Variants in DSC2 observed in about 807,000 individuals in gnomAD.
The protein encoded by DSC2 is desmocollin 2.
DSC2 carries 51 observed loss-of-function variants against 87.6 expected under a neutral mutation model. The observed-to-expected ratio is 0.58, with a 90% CI of 0.46 to 0.74. DSC2 has a LOEUF of 0.74. DSC2 is among the 30% of genes least tolerant of loss of function. DSC2 has a pLI of 0.00. For missense variants in DSC2, 1,066 were observed against 1,089.5 expected (o/e 0.98, Z 0.30); for synonymous variants, 383 against 393.2 (o/e 0.97, Z 0.31).
At chr18:31,094,951 C>T (rs1391797882) in intron 1 of DSC2, among the ~76,000 whole-genome samples, 3 of 152,234 alleles carry the variant, frequency 2.0e-5, no homozygotes, top group African/African-American at 7.2e-5. Flanking sequence ...TTACTGGTTG[C>T]TTAGTAGGTG....
chr18:31,071,865 C>T lies in DSC2; in HGVS notation c.1889-24G>A, dbSNP rs899415985. The T allele has an allele frequency of 5.7e-6, 9 of 1,566,818 alleles. No individual in the cohort carries two copies. In the African/African-American group the frequency reaches 1.1e-4, roughly 19 times the overall value. ...ATCTGAAAATATAAATAAATAAAACCAAACATTATACAATGTCACTGATTT... is the reference window on the plus strand; with the variant it reads ...ATCTGAAAATATAAATAAATAAAACTAAACATTATACAATGTCACTGATTT... On this transcript the variant is annotated intron_variant, in intron 12 of 15. Transcript: ENST00000280904.
rs1345644811 is a variant in DSC2 at position 31,082,394 on chromosome 18, A to G, written c.1107T>C (p.Val369=). Residue 369 remains valine (V), a synonymous_variant, in exon 9 of 16, where the codon GTT becomes GTC. Transcript: ENST00000280904. Reference sequence around the variant, plus strand: ...CAGTAACTCGTAAGATTTCCACATCAACTGTATTTTCTTCCACTGATGTCA... The same window carrying G: ...CAGTAACTCGTAAGATTTCCACATCGACTGTATTTTCTTCCACTGATGTCA... ...SYVTSVEENT[V]DVEILRVTVE... 1 of 1,613,708 alleles carries G rather than the reference A, an allele frequency of 6.2e-7. No homozygotes were observed. Among genetic ancestry groups the G allele is most frequent in the Admixed American group, 1.7e-5 (1 of 60,008 alleles).
intron 1 of DSC2, among the ~76,000 whole-genome samples, chr18:31,101,397 G>C (rs1319098402): frequency 6.6e-6 from 1 of 151,812 alleles, no homozygotes; most frequent in Non-Finnish European, 1.5e-5. Flanking sequence ...CCCTTTCCGT[G>C]GCCTGGGCAG....
intron 10 of DSC2, 49 bp downstream of exon 10, chr18:31,080,047 G>GT: frequency 6.2e-7 from 1 of 1,610,324 alleles, no homozygotes; most frequent in African/African-American, 1.3e-5. Flanking sequence ...TTATAATAAC[G>GT]TAACAAAATA....
chr18:31,082,833 C>G, intron 8 of DSC2, 93 bp downstream of exon 8: 1 of 1,432,094 alleles, frequency 7.0e-7, no homozygotes, highest in East Asian at 2.4e-5. Flanking sequence ...GCTGAGATTA[C>G]AGGCGTGAGC....
chr18:31,089,470 G>C lies in DSC2; in HGVS notation c.599C>G (p.Pro200Arg). The change falls in exon 5 of 16, where the codon CCT (proline) becomes CGT (arginine). Residue 200 changes from proline to arginine, a missense_variant. Transcript: ENST00000280904. ...AGATTCATACTGCTCACGATCTACA[G>C]GACGAGTACAATACAAGTTTCCAGT... is the stretch of plus-strand genomic sequence containing the variant. ...RDTGNLYCTR[P>R]VDREQYESFE... The C allele has an allele frequency of 6.2e-7, 1 of 1,613,802 alleles. No individual in the cohort carries two copies. The highest frequency in any genetic ancestry group is 8.5e-7 in the Non-Finnish European group (1 of 1,179,872).
chr18:31,071,697 G>A lies in DSC2; in HGVS notation c.2033C>T (p.Thr678Ile), dbSNP rs794728062. The A allele has an allele frequency of 2.5e-6, 4 of 1,614,078 alleles. No homozygotes were observed. In the South Asian group the frequency reaches 3.3e-5, roughly 13 times the overall value. The change falls in exon 13 of 16, where the codon ACA (threonine) becomes ATA (isoleucine). Residue 678 changes from threonine to isoleucine, a missense_variant. Physicochemically the swap from Thr to Ile is moderately conservative, Grantham distance 89. Coordinates refer to ENST00000280904, the MANE Select transcript of DSC2 (RefSeq NM_024422.6). ...LCDCITENDC[T>I]HRVDPRIGGG... ...GCCAATCCTTGGATCTACACGATGT[G>A]TGCAGTCATTTTCGGTAATGCAGTC...
chr18:31,093,304 C>T (rs1987661231), intron 2 of DSC2, among the ~76,000 whole-genome samples: 1 of 152,168 alleles, frequency 6.6e-6, no homozygotes, highest in Non-Finnish European at 1.5e-5. Context: ...CCCAGAACCC[C>T]CAACAAGCCC....
At chr18:31,089,256 G>A (rs1202698958) in intron 5 of DSC2, among the ~76,000 whole-genome samples, 183 bp downstream of exon 5, 4 of 151,560 alleles carry the variant, frequency 2.6e-5, no homozygotes, top group Admixed American at 2.6e-4. Context: ...CAATCTAATG[G>A]AATCCAATAT....
intron 11 of DSC2, among the ~76,000 whole-genome samples, chr18:31,078,149 T>C (rs1291844878): frequency 6.6e-6 from 1 of 152,132 alleles, no homozygotes; most frequent in East Asian, 1.9e-4. Context: ...GAGGTTTCCA[T>C]TAGGGAGTGG....
At chr18:31,098,911 CT>C (rs1177205620) in intron 1 of DSC2, among the ~76,000 whole-genome samples, 1 of 152,094 alleles carries the variant, frequency 6.6e-6, no homozygotes, top group African/African-American at 2.4e-5. Flanking sequence ...CCTGAGCTGT[CT>C]TTGAATGTAG....
At chr18:31,081,818 T>C (rs968831860) in intron 9 of DSC2, among the ~76,000 whole-genome samples, 3 of 152,162 alleles carry the variant, frequency 2.0e-5, no homozygotes, top group African/African-American at 7.2e-5. Context: ...TAATATATAC[T>C]GAATATGATG....
In DSC2 at chr18:31,086,752, A is replaced by G; in HGVS notation, c.776-10T>C. 2 of 1,613,390 alleles carry G rather than the reference A, an allele frequency of 1.2e-6. No homozygotes were observed. Among genetic ancestry groups the G allele is most frequent in the South Asian group, 2.2e-5 (2 of 91,034 alleles). ...TGTCCCACAGTAGTGCCTAGAGAAG[A>G]AAAGTCCTTTTTAATCTCCAAAACA... On this transcript the variant is annotated splice_polypyrimidine_tract_variant and intron_variant, in intron 6 of 15. Coordinates refer to ENST00000280904, the MANE Select transcript of DSC2 (RefSeq NM_024422.6).
At chr18:31,097,302 A>G (rs184618129) in intron 1 of DSC2, among the ~76,000 whole-genome samples, 2 of 151,682 alleles carry the variant, frequency 1.3e-5, no homozygotes, top group East Asian at 3.9e-4. Flanking sequence ...AAAAAAAAAA[A>G]GAAATCATTT....
At chr18:31,075,916 A>G (rs1338453930) in intron 11 of DSC2, among the ~76,000 whole-genome samples, 1 of 152,168 alleles carries the variant, frequency 6.6e-6, no homozygotes, top group Non-Finnish European at 1.5e-5. Flanking sequence ...ACGACTTTAT[A>G]TAAAGCACTG....
rs187094917 is a variant in DSC2 at position 31,062,524 on chromosome 18, G to A, written c.*5491C>T. ...AAAAGAATTCTTTAGGCAATATGCAGTCTGATCTTAGCCAGGTACCTAACA... is the reference window on the plus strand; with the variant it reads ...AAAAGAATTCTTTAGGCAATATGCAATCTGATCTTAGCCAGGTACCTAACA... On this transcript the variant is annotated 3_prime_UTR_variant, in exon 16 of 16. Transcript: ENST00000280904. 5 of 152,242 alleles carry A rather than the reference G, an allele frequency of 3.3e-5. No homozygotes were observed. Among genetic ancestry groups the A allele is most frequent in the African/African-American group, 1.2e-4 (5 of 41,534 alleles). 9.4% of individuals were successfully genotyped at this position (152,242 alleles called of 1,614,324 possible).
intron 11 of DSC2, 99 bp from the exon 12 acceptor site, chr18:31,075,006 A>G: frequency 8.0e-7 from 1 of 1,251,336 alleles, no homozygotes; most frequent in South Asian, 1.3e-5. Flanking sequence ...AGCACCTATA[A>G]TGTAGAAGTT....
chr18:31,073,976 G>C (rs1036285213), intron 12 of DSC2, among the ~76,000 whole-genome samples: 1 of 152,350 alleles, frequency 6.6e-6, no homozygotes, highest in South Asian at 2.1e-4. Context: ...TTTCAAAGAA[G>C]GACTTGCATC....
chr18:31,070,354 T>C (rs1029479942), intron 14 of DSC2, among the ~76,000 whole-genome samples: 7 of 152,232 alleles, frequency 4.6e-5, no homozygotes, highest in Non-Finnish European at 7.3e-5. Flanking sequence ...AGTGATTTTA[T>C]TGTTGCCAGA....
Sources: gnomAD v4.1 joint callset for allele counts (sites outside exome capture counted in the v4.1 genomes callset) on GRCh38, gnomAD v4.1.1 for gene constraint, MANE v1.5 for transcripts, NCBI Gene and HGNC (gene_info 2026-07-23, HGNC 2026-07-21) for gene names.